FRMD6: variants seen among roughly 807,000 people sequenced by gnomAD.
FRMD6 encodes FERM domain-containing protein 6.
FRMD6 carries 37 observed loss-of-function variants against 73.2 expected under a neutral mutation model. The observed-to-expected ratio is 0.51, with a 90% confidence interval of 0.39 to 0.66. FRMD6 has a LOEUF of 0.66. FRMD6 is among the 30% of genes least tolerant of loss of function. FRMD6 has a pLI of 0.00. For missense variants in FRMD6, 714 were observed against 780.5 expected, an observed-to-expected ratio of 0.91 and a Z score of 1.02; for synonymous variants, 273 against 282.2, an observed-to-expected ratio of 0.97 and a Z score of 0.33.
At chr14:51,471,112 A>C in the FRMD6 span, among the ~76,000 whole-genome samples, 1 of 152,186 alleles carries the variant, frequency 6.6e-6, no homozygotes, top group Admixed American at 6.5e-5. Context: ...ATAATTGTGG[A>C]ATCTATCTGT....
At chr14:51,570,939 C>A (rs1029971273) in intron 2 of FRMD6, among the ~76,000 whole-genome samples, 1 of 152,180 alleles carries the variant, frequency 6.6e-6, no homozygotes, top group Non-Finnish European at 1.5e-5. Flanking sequence ...TCCGTCAAAA[C>A]GATGTGTTTG....
chr14:51,691,481 T>C (rs1895560114), intron 2 of FRMD6, among the ~76,000 whole-genome samples: 1 of 152,120 alleles, frequency 6.6e-6, no homozygotes, highest in Admixed American at 6.6e-5. Context: ...TACTGTTTCT[T>C]TCATAGATTG....
chr14:51,518,196 T>C (rs1884741133), intron 1 of FRMD6, among the ~76,000 whole-genome samples: 2 of 152,236 alleles, frequency 1.3e-5, no homozygotes, highest in South Asian at 4.1e-4. Context: ...TGAGATTTAT[T>C]TAATATGAAT....
intron 1 of FRMD6, among the ~76,000 whole-genome samples, chr14:51,508,268 C>T (rs1884090689): frequency 6.6e-6 from 1 of 152,232 alleles, no homozygotes. Flanking sequence ...GCTGCCCATA[C>T]TCATAAATCT....
At chr14:51,709,758 G>C (rs1896836965) in intron 7 of FRMD6, among the ~76,000 whole-genome samples, 1 of 152,046 alleles carries the variant, frequency 6.6e-6, no homozygotes, top group African/African-American at 2.4e-5. Context: ...TTGATAATTA[G>C]TTTATATTTT....
At chr14:51,716,306 T>A (rs1314384530) in intron 10 of FRMD6, among the ~76,000 whole-genome samples, 1 of 152,178 alleles carries the variant, frequency 6.6e-6, no homozygotes, top group East Asian at 1.9e-4. Flanking sequence ...GTTTTTTTTT[T>A]TAATGCTTTG....
chr14:51,630,760 A>C (rs1464398149), intron 2 of FRMD6, among the ~76,000 whole-genome samples: 2 of 152,160 alleles, frequency 1.3e-5, no homozygotes, highest in Non-Finnish European at 2.9e-5. Flanking sequence ...AAAATACATA[A>C]ATAAATAAGC....
intron 1 of FRMD6, among the ~76,000 whole-genome samples, chr14:51,530,295 T>C (rs1885508635): frequency 6.6e-6 from 1 of 152,202 alleles, no homozygotes; most frequent in Non-Finnish European, 1.5e-5. Flanking sequence ...CACTGGAAGC[T>C]GAAATGGGGC....
chr14:51,413,005 T>G, the FRMD6 span, among the ~76,000 whole-genome samples: 4 of 149,896 alleles, frequency 2.7e-5, no homozygotes, highest in Non-Finnish European at 4.5e-5. Flanking sequence ...TTTTTTTTTT[T>G]TTTTGAGATG....
chr14:51,650,848 C>A (rs1892321734), upstream of FRMD6: 2 of 152,308 alleles, frequency 1.3e-5, 1 homozygote, highest in South Asian at 4.2e-4. Flanking sequence ...TTTTGCCACC[C>A]GTGGCCAGGG....
chr14:51,688,735 A>G (rs1013672669), intron 1 of FRMD6, among the ~76,000 whole-genome samples: 2 of 152,218 alleles, frequency 1.3e-5, no homozygotes, highest in Non-Finnish European at 2.9e-5. Context: ...GCAACAATAT[A>G]TGAAATACTA....
intron 2 of FRMD6, among the ~76,000 whole-genome samples, chr14:51,597,444 G>A (rs1486727942): frequency 6.6e-6 from 1 of 152,186 alleles, no homozygotes; most frequent in Non-Finnish European, 1.5e-5. Flanking sequence ...GGGACCAGAT[G>A]TGGAGGCTTT....
At chr14:51,692,382 A>G (rs563509744) in intron 2 of FRMD6, among the ~76,000 whole-genome samples, 1 of 152,346 alleles carries the variant, frequency 6.6e-6, no homozygotes, top group Non-Finnish European at 1.5e-5. Context: ...AAGATATCCA[A>G]TAATTTTTAA....
chr14:51,636,847 AAAGT>A (rs1488808401), intron 2 of FRMD6, among the ~76,000 whole-genome samples: 2 of 152,188 alleles, frequency 1.3e-5, no homozygotes, highest in Non-Finnish European at 2.9e-5. Flanking sequence ...CTAAGAAAGA[AAAGT>A]AAGGGTGAGG....
chr14:51,451,814 C>T, the FRMD6 span, among the ~76,000 whole-genome samples: 44 of 152,328 alleles, frequency 2.9e-4, no homozygotes, highest in African/African-American at 9.9e-4. Context: ...AGGTCTTAAC[C>T]AGAAGCAGAT....
chr14:51,398,228 T>C, the FRMD6 span, among the ~76,000 whole-genome samples: 1 of 152,178 alleles, frequency 6.6e-6, no homozygotes, highest in Non-Finnish European at 1.5e-5. Context: ...GCTTCTGACA[T>C]AGAGATATTG....
the FRMD6 span, among the ~76,000 whole-genome samples, chr14:51,452,896 C>T: frequency 6.6e-6 from 1 of 152,088 alleles, no homozygotes; most frequent in African/African-American, 2.4e-5. Flanking sequence ...GGAGAGAAGA[C>T]GATGTCTCAT....
intron 1 of FRMD6, among the ~76,000 whole-genome samples, chr14:51,659,047 G>A (rs1480348782): frequency 6.6e-6 from 1 of 152,134 alleles, no homozygotes; most frequent in African/African-American, 2.4e-5. Context: ...CTACAGAATA[G>A]CGTAATCCGT....
the FRMD6 span, among the ~76,000 whole-genome samples, chr14:51,431,372 AT>A: frequency 6.7e-6 from 1 of 149,550 alleles, no homozygotes; most frequent in African/African-American, 2.6e-5. Flanking sequence ...ATGCAAATTG[AT>A]ATGTTTTCAA....
Sources: gnomAD v4.1 joint callset for allele counts (sites outside exome capture counted in the v4.1 genomes callset) on GRCh38, gnomAD v4.1.1 for gene constraint, MANE v1.5 for transcripts, NCBI Gene and HGNC (gene_info 2026-07-23, HGNC 2026-07-21) for gene names.